CFAP210: variants seen among roughly 807,000 people sequenced by gnomAD.
CFAP210 encodes cilia and flagella associated protein 210.
the CFAP210 span, among the ~76,000 whole-genome samples, chr2:169,677,236 A>G: frequency 6.6e-6 from 1 of 152,154 alleles, no homozygotes; most frequent in Non-Finnish European, 1.5e-5. Context: ...AAACAGCACG[A>G]CTCTGATACT....
the CFAP210 span, chr2:169,658,732 A>G: frequency 3.1e-6 from 1 of 324,742 alleles, no homozygotes; most frequent in Non-Finnish European, 6.1e-6. Flanking sequence ...TGCATCATGG[A>G]TTTAATTTGC....
At chr2:169,686,695 TC>T in the CFAP210 span, among the ~76,000 whole-genome samples, 1 of 152,160 alleles carries the variant, frequency 6.6e-6, no homozygotes, top group Non-Finnish European at 1.5e-5. Context: ...AGACCCCATT[TC>T]TAATCCATTC....
the CFAP210 span, among the ~76,000 whole-genome samples, chr2:169,692,750 T>G: frequency 1.3e-5 from 2 of 152,192 alleles, no homozygotes; most frequent in East Asian, 1.9e-4. Context: ...ATAAGCCTCA[T>G]GAGTGAGATT....
At chr2:169,693,723 A>G in the CFAP210 span, among the ~76,000 whole-genome samples, 3 of 152,148 alleles carry the variant, frequency 2.0e-5, no homozygotes, top group Non-Finnish European at 4.4e-5. Flanking sequence ...ATTTTTTTTT[A>G]ACTCTCTAAA....
chr2:169,676,562 T>G, the CFAP210 span, among the ~76,000 whole-genome samples: 1 of 152,084 alleles, frequency 6.6e-6, no homozygotes, highest in Admixed American at 6.6e-5. Context: ...TCCCCCTACC[T>G]GTAGGCCCTG....
At chr2:169,681,313 G>T in the CFAP210 span, 6 of 1,025,468 alleles carry the variant, frequency 5.9e-6, no homozygotes, top group South Asian at 1.4e-5. Flanking sequence ...TCCGATATTG[G>T]CATGATAACT....
the CFAP210 span, chr2:169,674,725 C>T: frequency 1.2e-6 from 2 of 1,601,646 alleles, no homozygotes; most frequent in Non-Finnish European, 1.7e-6. Context: ...GGAATTCAAT[C>T]TGGGCATCAC....
the CFAP210 span, chr2:169,658,344 T>C: frequency 2.6e-5 from 4 of 152,526 alleles, no homozygotes; most frequent in Non-Finnish European, 5.9e-5. Flanking sequence ...AATAAAGTCA[T>C]TGGGGGTTTT....
chr2:169,693,200 CTT>C, the CFAP210 span, among the ~76,000 whole-genome samples: 1 of 152,246 alleles, frequency 6.6e-6, no homozygotes, highest in Admixed American at 6.5e-5. Flanking sequence ...CTCTCTCCAA[CTT>C]AGCCTTCCCC....
At chr2:169,658,662 C>A in the CFAP210 span, 2 of 190,586 alleles carry the variant, frequency 1.0e-5, no homozygotes, top group Admixed American at 1.2e-4. Context: ...AAACTGTATT[C>A]TCAGTCAGTG....
chr2:169,689,525 G>C, the CFAP210 span, among the ~76,000 whole-genome samples: 37 of 152,138 alleles, frequency 2.4e-4, no homozygotes, highest in African/African-American at 8.2e-4. Context: ...CATTCTTTAG[G>C]ATTTTTAATA....
chr2:169,650,614 GTC>G, the CFAP210 span: 7 of 1,351,752 alleles, frequency 5.2e-6, no homozygotes, highest in East Asian at 2.0e-4. Flanking sequence ...ATATTTTGCA[GTC>G]TCTTACAAAA....
the CFAP210 span, among the ~76,000 whole-genome samples, chr2:169,669,557 C>T: frequency 6.6e-6 from 1 of 151,760 alleles, no homozygotes; most frequent in Non-Finnish European, 1.5e-5. Context: ...TAGATGATGG[C>T]AGTAAATTCA....
chr2:169,653,798 G>A, the CFAP210 span, among the ~76,000 whole-genome samples: 1 of 151,982 alleles, frequency 6.6e-6, no homozygotes, highest in African/African-American at 2.4e-5. Flanking sequence ...ACTCACCCTA[G>A]GTGAGCTCAT....
chr2:169,645,870 A>T, the CFAP210 span: 2 of 1,612,530 alleles, frequency 1.2e-6, no homozygotes, highest in South Asian at 2.2e-5. Flanking sequence ...CTTCTCTTTG[A>T]CTTTTGAAAA....
At chr2:169,673,384 T>C in the CFAP210 span, among the ~76,000 whole-genome samples, 43 of 152,210 alleles carry the variant, frequency 2.8e-4, no homozygotes, top group Non-Finnish European at 6.0e-4. Flanking sequence ...GGTCAAAGAC[T>C]TGCCTTCCTC....
the CFAP210 span, among the ~76,000 whole-genome samples, chr2:169,648,850 G>A: frequency 6.6e-6 from 1 of 152,138 alleles, no homozygotes; most frequent in African/African-American, 2.4e-5. Flanking sequence ...TGAAACCTAT[G>A]AGATCGCAAT....
At chr2:169,647,652 A>G in the CFAP210 span, among the ~76,000 whole-genome samples, 1 of 152,234 alleles carries the variant, frequency 6.6e-6, no homozygotes, top group Non-Finnish European at 1.5e-5. Context: ...AAGGATTCCA[A>G]ATACTGATCT....
At chr2:169,681,280 T>C in the CFAP210 span, 1 of 1,374,894 alleles carries the variant, frequency 7.3e-7, no homozygotes, top group Middle Eastern at 1.8e-4. Context: ...GGGAACAGTT[T>C]AAGTGATATT....
Sources: allele counts gnomAD v4.1 joint callset (sites outside exome capture counted in the v4.1 genomes callset), GRCh38; gene constraint gnomAD v4.1.1; transcripts MANE v1.5; gene names NCBI Gene and HGNC (gene_info 2026-07-23, HGNC 2026-07-21).